The following COL14A1 variants were observed in gnomAD, a reference collection of about 807,000 sequenced individuals.
COL14A1 encodes the protein collagen alpha-1(XIV) chain.
In COL14A1, 136 loss-of-function variants were observed where a neutral mutation model predicts 230.3. That is an observed-to-expected ratio of 0.59 (90% confidence interval 0.51 to 0.68). COL14A1 has a LOEUF of 0.68. Ranked by LOEUF, COL14A1 falls within the 30% of genes least tolerant of loss-of-function variation. COL14A1 has a pLI of 0.00. For missense variants in COL14A1, 1,976 were observed against 2,215.8 expected (o/e 0.89, Z 2.17); for synonymous variants, 792 against 784.1 (o/e 1.01, Z -0.17).
intron 26 of COL14A1, among the ~76,000 whole-genome samples, chr8:120,277,103 G>C (rs1421146678): frequency 6.6e-6 from 1 of 152,032 alleles, no homozygotes. Context: ...AGGAATAAAA[G>C]CCAGTTGTAA....
intron 25 of COL14A1, among the ~76,000 whole-genome samples, chr8:120,267,893 T>A (rs190871359): frequency 6.6e-6 from 1 of 151,856 alleles, no homozygotes; most frequent in East Asian, 1.9e-4. Flanking sequence ...ACTAGAAGAA[T>A]GAGAGGAGAA....
chr8:120,188,989 A>G (rs1189032263), intron 5 of COL14A1, among the ~76,000 whole-genome samples: 2 of 152,198 alleles, frequency 1.3e-5, no homozygotes, highest in Admixed American at 1.3e-4. Flanking sequence ...GAATGGTGAA[A>G]TGGGTAATGT....
chr8:120,202,006 G>A (rs2130729857), intron 8 of COL14A1, among the ~76,000 whole-genome samples: 1 of 152,260 alleles, frequency 6.6e-6, no homozygotes, highest in South Asian at 2.1e-4. Context: ...TATTGGCACT[G>A]CTTCAGCATA....
At chr8:120,234,527 T>C (rs1818378150) in intron 19 of COL14A1, among the ~76,000 whole-genome samples, 1 of 152,012 alleles carries the variant, frequency 6.6e-6, no homozygotes, top group Non-Finnish European at 1.5e-5. Context: ...CATGAAGGGG[T>C]GTTGAATTTT....
Position 120,315,985 on chromosome 8 carries a change from A to G in COL14A1, c.4647A>G (p.Ser1549=). 1 of 1,614,072 alleles carries G rather than the reference A, an allele frequency of 6.2e-7. No individual in the cohort carries two copies. Among genetic ancestry groups the G allele is most frequent in the South Asian group, 1.1e-5 (1 of 91,070 alleles). ...TTGGTTCACCAGGACGTGATGGCTC[A>G]CCAGGCCAGAGGGTAAGGTCTTGCC... ...GGVGSPGRDG[S]PGQRGLPGKD... is the part of the protein sequence containing the mutation. The change falls in exon 40 of 48, where the codon TCA becomes TCG. Residue 1549 remains serine (S), a synonymous_variant. Transcript: ENST00000297848.
chr8:120,153,397 C>T (rs957952098), intron 2 of COL14A1, among the ~76,000 whole-genome samples: 7 of 152,226 alleles, frequency 4.6e-5, no homozygotes, highest in Admixed American at 3.3e-4. Flanking sequence ...GTTGCCCAGG[C>T]TGGTCTCAAA....
chr8:120,128,218 T>TGCGC (rs1450837596), intron 1 of COL14A1, among the ~76,000 whole-genome samples: 1 of 98,708 alleles, frequency 1.0e-5, no homozygotes, highest in Non-Finnish European at 2.0e-5. Flanking sequence ...TGTGTGTGTG[T>TGCGC]GTGCGCGCGC....
intron 19 of COL14A1, among the ~76,000 whole-genome samples, chr8:120,237,140 A>AT (rs1818468818): frequency 6.6e-6 from 1 of 152,084 alleles, no homozygotes; most frequent in Non-Finnish European, 1.5e-5. Flanking sequence ...TATTTCCTGA[A>AT]TTTGAATGTT....
In COL14A1 at chr8:120,369,494, C is replaced by A; in HGVS notation, c.5311+9C>A. On this transcript the variant is annotated intron_variant, in intron 47 of 47. Coordinates refer to ENST00000297848, the MANE Select transcript of COL14A1 (RefSeq NM_021110.4). ...TGCCTATGGTGTGAGAGGTAAGTGT[C>A]ACAAAAAGCCCCGCTTGTGGGCTTT... 6.5e-7 allele frequency: 1 copy of A among 1,538,168 alleles called. No individual in the cohort carries two copies. The highest frequency in any genetic ancestry group is 8.8e-7 in the Non-Finnish European group (1 of 1,138,510).
intron 1 of COL14A1, among the ~76,000 whole-genome samples, chr8:120,137,748 T>C (rs1429283530): frequency 1.3e-5 from 2 of 149,472 alleles, no homozygotes; most frequent in Non-Finnish European, 2.9e-5. Flanking sequence ...TTTCAAATAT[T>C]TTGAATTTAT....
chr8:120,155,088 G>A (rs1321132805), intron 2 of COL14A1, among the ~76,000 whole-genome samples: 1 of 152,138 alleles, frequency 6.6e-6, no homozygotes, highest in Admixed American at 6.5e-5. Flanking sequence ...TGTATGTTAT[G>A]TTTAACCAAG....
chr8:120,206,496 C>A (rs1044025526), intron 9 of COL14A1, among the ~76,000 whole-genome samples: 3 of 152,114 alleles, frequency 2.0e-5, no homozygotes, highest in South Asian at 2.1e-4. Flanking sequence ...ATTACAGGCA[C>A]CTGCTACCAT....
At chr8:120,237,129 G>A (rs568062245) in intron 19 of COL14A1, among the ~76,000 whole-genome samples, 5 of 152,268 alleles carry the variant, frequency 3.3e-5, no homozygotes, top group Non-Finnish European at 7.4e-5. Context: ...GATGTTGTCT[G>A]TATTTCCTGA....
In COL14A1 at chr8:120,278,588, A is replaced by G. The variant is rs757699637; in HGVS notation, c.3481+10A>G. On this transcript the variant is annotated intron_variant, in intron 28 of 47. Transcript: ENST00000297848. ...GAGATGCAATTAGATGGTAAGATAT[A>G]TAAACAATAGTGGCTACCAAATATG... 3.7e-6 allele frequency: 6 copies of G among 1,610,882 alleles called. No individual in the cohort carries two copies. The South Asian group carries it at 4.4e-5, about 12-fold the overall frequency.
At position 120,300,818 on chromosome 8, in the gene COL14A1, A is replaced by G; in HGVS notation, c.4401A>G (p.Pro1467=). ...NEVALGPAGP[P]GGPGLRGPKG... is the part of the protein sequence containing the mutation. Reference sequence around the variant, plus strand: ...TGGCTCTGGGACCAGCGGGCCCACCAGTAAGTCTTGCTGAGTTCAGCCTTA... The same window carrying G: ...TGGCTCTGGGACCAGCGGGCCCACCGGTAAGTCTTGCTGAGTTCAGCCTTA... Residue 1467 remains proline (P), a splice_region_variant and synonymous_variant, in exon 36 of 48, where the codon CCA becomes CCG. Coordinates refer to ENST00000297848, the MANE Select transcript of COL14A1 (RefSeq NM_021110.4). 1.2e-6 allele frequency: 2 copies of G among 1,611,956 alleles called. No homozygotes were observed. Among genetic ancestry groups the G allele is most frequent in the South Asian group, 2.2e-5 (2 of 90,902 alleles).
chr8:120,200,746 T>TAG (rs1817219044), intron 8 of COL14A1, among the ~76,000 whole-genome samples: 1 of 71,834 alleles, frequency 1.4e-5, no homozygotes, highest in African/African-American at 5.1e-5. Flanking sequence ...TATATATATA[T>TAG]ATATATATAT....
chr8:120,206,630 T>G (rs189473138), intron 9 of COL14A1, among the ~76,000 whole-genome samples: 42 of 152,372 alleles, frequency 2.8e-4, no homozygotes, highest in African/African-American at 9.6e-4. Flanking sequence ...ATTACAGGCA[T>G]GAACCACTGT....
chr8:120,245,340 A>G (rs974310661), intron 20 of COL14A1, among the ~76,000 whole-genome samples: 5 of 152,262 alleles, frequency 3.3e-5, no homozygotes, highest in East Asian at 1.9e-4. Flanking sequence ...GGCCTCATCA[A>G]TACTGTTCAC....
At position 120,348,591 on chromosome 8, in the gene COL14A1, C is replaced by T. The variant is rs117808242; in HGVS notation, c.5077+3028C>T. ...CAAATAGGGTATAGTGTATACTGCT[C>T]AGGTGATGGGTGCACAAAAATCTCA... On this transcript the variant is annotated intron_variant, in intron 45 of 47. Coordinates refer to ENST00000297848, the MANE Select transcript of COL14A1 (RefSeq NM_021110.4). 3.1e-3 allele frequency among the ~76,000 whole-genome samples: 476 copies of T among 152,184 alleles called. 17 individuals carry two copies. The East Asian group carries it at 0.083, about 26-fold the overall frequency.
Sources: allele counts gnomAD v4.1 joint callset (sites outside exome capture counted in the v4.1 genomes callset), GRCh38; gene constraint gnomAD v4.1.1; transcripts MANE v1.5; gene names NCBI Gene and HGNC (gene_info 2026-07-23, HGNC 2026-07-21).